Variants in NYNRIN observed in about 807,000 individuals in gnomAD.
NYNRIN encodes protein NYNRIN.
A neutral mutation model predicts 146.6 loss-of-function variants in NYNRIN; 86 were observed. That is an observed-to-expected ratio of 0.59 (90% confidence interval 0.49 to 0.70). The LOEUF (loss-of-function observed/expected upper bound fraction) is 0.70. NYNRIN is among the 30% of genes least tolerant of loss of function. The probability of loss-of-function intolerance (pLI) is 0.00; values close to 1 mark genes in which losing one functional copy is unlikely to be tolerated. For synonymous variants in NYNRIN, 1,027 were observed against 1,001.3 expected (o/e 1.03, Z -0.48); for missense variants, 2,191 against 2,377.7 (o/e 0.92, Z 1.63).
Position 24,415,158 on chromosome 14 carries a change from GC to G in NYNRIN, c.3411del (p.Phe1138SerfsTer4). ...GCAGTGGGACCAGGAGCATGAGGAG[GC>G]CTTCCTGGCCCTGAAGCGAGCCCTG... ...DWQWDQEHEE[A>X]FLALKRALVS... On this transcript the variant is annotated frameshift_variant, in exon 9 of 9. Coordinates refer to ENST00000382554, the MANE Select transcript of NYNRIN (RefSeq NM_025081.3). LOFTEE classifies it high-confidence loss of function. The G allele has an allele frequency of 6.2e-7, 1 of 1,606,148 alleles. No individual in the cohort carries two copies. The highest frequency in any genetic ancestry group is 8.5e-7 in the Non-Finnish European group (1 of 1,178,956).
At chr14:24,414,406 G>A (rs1391967852) in intron 8 of NYNRIN, among the ~76,000 whole-genome samples, 190 bp from the exon 9 acceptor site, 1 of 152,258 alleles carries the variant, frequency 6.6e-6, no homozygotes, top group African/African-American at 2.4e-5. Flanking sequence ...TAATACTGGG[G>A]GTCTGGCCCA....
At position 24,407,007 on chromosome 14, in the gene NYNRIN, G is replaced by C. The variant is rs551255492; in HGVS notation, c.199-862G>C. On this transcript the variant is annotated intron_variant, in intron 2 of 8. Coordinates refer to ENST00000382554, the MANE Select transcript of NYNRIN (RefSeq NM_025081.3). Reference sequence around the variant, plus strand: ...ATGTGCGGGTGCAGGGGTTCCCCTGGACACTGGCCCAGTGGCTTATCTCCT... The same window carrying C: ...ATGTGCGGGTGCAGGGGTTCCCCTGCACACTGGCCCAGTGGCTTATCTCCT... Among the ~76,000 whole-genome samples, 16 of 152,326 alleles carry C rather than the reference G, an allele frequency of 1.1e-4. No individual in the cohort carries two copies. In the South Asian group the frequency reaches 2.9e-3, roughly 28 times the overall value.
rs2042949195 is a variant in NYNRIN at position 24,416,583 on chromosome 14, G to A, written c.4834G>A (p.Ala1612Thr). 1.9e-6 allele frequency: 3 copies of A among 1,613,896 alleles called. No homozygotes were observed. Among genetic ancestry groups the A allele is most frequent in the Non-Finnish European group, 2.5e-6 (3 of 1,179,848 alleles). ...IESPWPLRSTAPWSNLQIEVV... is the reference protein window; with the variant it reads ...IESPWPLRSTTPWSNLQIEVV... The stretch of plus-strand genomic sequence containing the variant: ...GTCCCCATGGCCCCTCAGGTCGACC[G>A]CCCCCTGGTCGAACCTGCAGATCGA... Residue 1612 changes from alanine (A) to threonine (T), a missense_variant, in exon 9 of 9, where the codon GCC (alanine) becomes ACC (threonine). Physicochemically the swap from Ala to Thr is moderately conservative, Grantham distance 58. This residue lies in a region of NYNRIN where 1,291 missense variants were observed against 1,417.0 expected (regional missense o/e 0.91). Coordinates refer to ENST00000382554, the MANE Select transcript of NYNRIN (RefSeq NM_025081.3).
rs1276253124 is a variant in NYNRIN at position 24,417,086 on chromosome 14, A to C, written c.5337A>C (p.Ala1779=). ...CCCTGTGGTGGGAGATGAGCAGCGC[A>C]AACATTGAAGGGCTCAAGATGGACG... ...TEPLWWEMSS[A]NIEGLKMDVF... is the part of the protein sequence containing the mutation. Residue 1779 remains alanine, a synonymous_variant, in exon 9 of 9, where the codon GCA becomes GCC. Transcript: ENST00000382554. 1 of 1,613,604 alleles carries C rather than the reference A, an allele frequency of 6.2e-7. No individual in the cohort carries two copies. The highest frequency in any genetic ancestry group is 8.5e-7 in the Non-Finnish European group (1 of 1,179,628).
chr14:24,409,813 A>G lies in NYNRIN; in HGVS notation c.2019A>G (p.Arg673=), dbSNP rs765724354. Residue 673 remains arginine (R), a synonymous_variant, in exon 4 of 9, where the codon AGA becomes AGG. Transcript: ENST00000382554. ...CTCCCAAAGTACCTGTGACCCCCAG[A>G]GTCTCCAGAGCTCCCAAAACACCTG... The part of the protein sequence containing the change: ...PAAPKVPVTP[R]VSRAPKTPAA... The G allele has an allele frequency of 6.2e-7, 1 of 1,613,420 alleles. No individual in the cohort carries two copies. The highest frequency in any genetic ancestry group is 8.5e-7 in the Non-Finnish European group (1 of 1,179,644).
At chr14:24,407,746 A>T (rs1354689729) in intron 2 of NYNRIN, 123 bp from the exon 3 acceptor site, 1 of 856,858 alleles carries the variant, frequency 1.2e-6, no homozygotes, top group African/African-American at 1.7e-5. Flanking sequence ...CTCATGGTGG[A>T]TGGGGGGTGG....
At position 24,409,165 on chromosome 14, in the gene NYNRIN, G is replaced by A. The variant is rs763207720; in HGVS notation, c.1371G>A (p.Thr457=). 2.5e-6 allele frequency: 4 copies of A among 1,613,966 alleles called. No homozygotes were observed. Among genetic ancestry groups the A allele is most frequent in the Admixed American group, 1.7e-5 (1 of 60,028 alleles). The change falls in exon 4 of 9, where the codon ACG becomes ACA. Residue 457 remains threonine, a synonymous_variant. Transcript: ENST00000382554. ...GGCCAGAGATTTCCCCAAAAGTTAC[G>A]AGTTTATTGGTGGTCCCTGGGAGCT... The part of the protein sequence containing the change: ...CPRPEISPKV[T]SLLVVPGSSD...
At position 24,417,491 on chromosome 14, in the gene NYNRIN, T is replaced by G. The variant is rs546566608; in HGVS notation, c.*45T>G. On this transcript the variant is annotated 3_prime_UTR_variant, in exon 9 of 9. Coordinates refer to ENST00000382554, the MANE Select transcript of NYNRIN (RefSeq NM_025081.3). ...CCCCTGCCCCAGGGCCGTGGGTTTC[T>G]GCTGCTAGGCCTCCCCCTGTCCCAG... The G allele has an allele frequency of 1.4e-6, 2 of 1,436,260 alleles. No individual in the cohort carries two copies. The highest frequency in any genetic ancestry group is 1.8e-6 in the Non-Finnish European group (2 of 1,099,018). 89.0% of individuals were successfully genotyped at this position (1,436,260 alleles called of 1,614,324 possible).
At chr14:24,400,329 C>A (rs1293788682) in intron 2 of NYNRIN, among the ~76,000 whole-genome samples, 3 of 152,220 alleles carry the variant, frequency 2.0e-5, no homozygotes, top group East Asian at 1.9e-4. Context: ...ATTCCACTGT[C>A]CCCCAAGGTT....
rs779946066 is a variant in NYNRIN at position 24,413,401 on chromosome 14, C to T, written c.2830C>T (p.Leu944=). The T allele has an allele frequency of 6.2e-7, 1 of 1,611,840 alleles. No individual in the cohort carries two copies. The highest frequency in any genetic ancestry group is 8.5e-7 in the Non-Finnish European group (1 of 1,178,924). ...GRDGPTLDEF[L]KKPNRLDTDI... is the part of the protein sequence containing the mutation. ...TGATGGCCCCACCTTGGATGAGTTT[C>T]TGAAGAAGCCAAACAGGTAATAGGT... Residue 944 remains leucine, a synonymous_variant, in exon 8 of 9, where the codon CTG becomes TTG. Coordinates refer to ENST00000382554, the MANE Select transcript of NYNRIN (RefSeq NM_025081.3).
chr14:24,403,684 A>G (rs2042858914), intron 2 of NYNRIN, among the ~76,000 whole-genome samples: 1 of 152,214 alleles, frequency 6.6e-6, no homozygotes, highest in Admixed American at 6.5e-5. Context: ...TGTCGAATGG[A>G]TGAATAAATT....
chr14:24,401,123 C>A (rs919833961), intron 2 of NYNRIN, among the ~76,000 whole-genome samples: 2 of 152,174 alleles, frequency 1.3e-5, no homozygotes, highest in African/African-American at 2.4e-5. Flanking sequence ...CCCGCCACCC[C>A]CTCCTTGCTC....
intron 2 of NYNRIN, among the ~76,000 whole-genome samples, chr14:24,401,799 C>T (rs1043219463): frequency 6.6e-5 from 10 of 152,202 alleles, no homozygotes; most frequent in Non-Finnish European, 1.2e-4. Flanking sequence ...CTCTGAGTCT[C>T]GATCTCCCTG....
At chr14:24,400,337 G>A (rs757415125) in intron 2 of NYNRIN, among the ~76,000 whole-genome samples, 2 of 152,228 alleles carry the variant, frequency 1.3e-5, no homozygotes, top group African/African-American at 2.4e-5. Flanking sequence ...GTCCCCCAAG[G>A]TTTACCTCTT....
Position 24,415,283 on chromosome 14 carries a change from G to A in NYNRIN, c.3534G>A (p.Glu1178=). 6.2e-7 allele frequency: 1 copy of A among 1,613,910 alleles called. No homozygotes were observed. The highest frequency in any genetic ancestry group is 1.7e-5 in the Admixed American group (1 of 60,022). The change falls in exon 9 of 9, where the codon GAG becomes GAA. Residue 1178 remains glutamate, a synonymous_variant. Coordinates refer to ENST00000382554, the MANE Select transcript of NYNRIN (RefSeq NM_025081.3). ...HVALTAILHQ[E]HSGRKHPIAY... The stretch of plus-strand genomic sequence containing the variant: ...CCCTGACGGCCATCCTCCATCAGGA[G>A]CACTCAGGGAGGAAGCACCCCATAG...
Position 24,418,473 on chromosome 14 carries a change from AC to A in NYNRIN, c.*1033del, listed in dbSNP as rs199948000. ...ATTGTGTGATTGCTTCATCTGTATC[AC>A]CCCCCGAGTCCTGTGGACCTGCCTT... On this transcript the variant is annotated 3_prime_UTR_variant, in exon 9 of 9. Transcript: ENST00000382554. The A allele has an allele frequency of 1.3e-3, 433 of 342,084 alleles. 13 individuals are homozygous for A. In the East Asian group the frequency reaches 0.033, roughly 26 times the overall value. 21.2% of individuals were successfully genotyped at this position (342,084 alleles called of 1,614,324 possible). A position where few individuals can be genotyped will look rare whatever the true frequency, so the allele number is the denominator to read the frequency against.
At chr14:24,404,994 CTGTGTGTG>C (rs747195772) in intron 2 of NYNRIN, among the ~76,000 whole-genome samples, 2 of 83,092 alleles carry the variant, frequency 2.4e-5, no homozygotes, top group African/African-American at 8.9e-5. Context: ...CTTGCCAAGC[CTGTGTGTG>C]TGTGTGTGTG....
At position 24,411,538 on chromosome 14, in the gene NYNRIN, G is replaced by T. The variant is rs774173515; in HGVS notation, c.2642+88G>T. On this transcript the variant is annotated intron_variant, in intron 6 of 8. Transcript: ENST00000382554. The surrounding 1 kb of genome is among the most constrained non-coding windows in gnomAD (Gnocchi z 4.3). ...GTGGAGTCCGGCCTGTCTTCTCTGG[G>T]GAAATGGAGGCAAACATGTTGGGGG... 1 of 1,124,410 alleles carries T rather than the reference G, an allele frequency of 8.9e-7. No individual in the cohort carries two copies. Among genetic ancestry groups the T allele is most frequent in the Admixed American group, 1.8e-5 (1 of 54,708 alleles). 69.7% of individuals were successfully genotyped at this position (1,124,410 alleles called of 1,614,324 possible). A position where few individuals can be genotyped will look rare whatever the true frequency, so the allele number is the denominator to read the frequency against.
chr14:24,417,342 G>A lies in NYNRIN; in HGVS notation c.5593G>A (p.Gly1865Ser), dbSNP rs762068790. 6.2e-7 allele frequency: 1 copy of A among 1,605,782 alleles called. No homozygotes were observed. Among genetic ancestry groups the A allele is most frequent in the South Asian group, 1.1e-5 (1 of 90,044 alleles). Residue 1865 changes from glycine (G) to serine (S), a missense_variant, in exon 9 of 9, where the codon GGC becomes AGC. This residue lies in a region of NYNRIN where 1,291 missense variants were observed against 1,417.0 expected (regional missense o/e 0.91). Coordinates refer to ENST00000382554, the MANE Select transcript of NYNRIN (RefSeq NM_025081.3). Reference protein sequence around the residue: ...RLSLSLYRIWGFPTPEKLGCI... With the variant: ...RLSLSLYRIWSFPTPEKLGCI... ...GAGCCTGTCACTCTATAGGATATGG[G>A]GCTTCCCAACCCCAGAGAAGCTGGG... is the stretch of plus-strand genomic sequence containing the variant.
Sources: allele counts gnomAD v4.1 joint callset (sites outside exome capture counted in the v4.1 genomes callset), GRCh38; gene constraint gnomAD v4.1.1; regional missense constraint gnomAD v4.1.1; non-coding constraint Gnocchi (gnomAD v3.1); transcripts MANE v1.5; gene names NCBI Gene and HGNC (gene_info 2026-07-23, HGNC 2026-07-21).